ITGA2: variants seen among roughly 807,000 people sequenced by gnomAD.
ITGA2 encodes the protein integrin subunit alpha 2.
A neutral mutation model predicts 146.3 loss-of-function variants in ITGA2; 101 were observed. The observed-to-expected ratio is 0.69, with a 90% CI of 0.59 to 0.81. ITGA2 has a LOEUF of 0.81. Ranked by LOEUF, ITGA2 falls within the 40% of genes least tolerant of loss-of-function variation. The pLI, the probability that ITGA2 is intolerant of heterozygous loss-of-function variation, is 0.00. For synonymous variants in ITGA2, 477 were observed against 487.1 expected (o/e 0.98, Z 0.27); for missense variants, 1,281 against 1,402.7 (o/e 0.91, Z 1.39).
chr5:53,032,239 G>T (rs1349133120), intron 2 of ITGA2, among the ~76,000 whole-genome samples: 1 of 152,074 alleles, frequency 6.6e-6, no homozygotes, highest in East Asian at 1.9e-4. Context: ...CTTTAATAAA[G>T]CTCTACATGT....
At chr5:53,039,186 A>G (rs1313522848) in intron 2 of ITGA2, among the ~76,000 whole-genome samples, 1 of 152,238 alleles carries the variant, frequency 6.6e-6, no homozygotes, top group Non-Finnish European at 1.5e-5. Context: ...TGTAAAATTT[A>G]CTATAATTAA....
intron 13 of ITGA2, among the ~76,000 whole-genome samples, chr5:53,063,320 A>G (rs1265352107): frequency 6.6e-6 from 1 of 151,926 alleles, no homozygotes; most frequent in Non-Finnish European, 1.5e-5. Flanking sequence ...ATCAGTTGAC[A>G]GTGAAAAACA....
Position 53,078,814 on chromosome 5 carries a change from T to C in ITGA2, c.2868T>C (p.Asn956=), listed in dbSNP as rs762311774. 1 of 1,611,950 alleles carries C rather than the reference T, an allele frequency of 6.2e-7. No homozygotes were observed. Among genetic ancestry groups the C allele is most frequent in the Non-Finnish European group, 8.5e-7 (1 of 1,178,528 alleles). The part of the protein sequence containing the change: ...INFYEISSDG[N]VPSIVHSFED... ...TTTATGAAATCTCTTCGGATGGGAA[T>C]GTTCCTTCAATCGTGCACAGTTTTG... Residue 956 remains asparagine (N), a synonymous_variant, in exon 24 of 30, where the codon AAT becomes AAC. Coordinates refer to ENST00000296585, the MANE Select transcript of ITGA2 (RefSeq NM_002203.4).
chr5:53,066,564 G>A (rs1253888769), intron 15 of ITGA2, among the ~76,000 whole-genome samples: 1 of 151,794 alleles, frequency 6.6e-6, no homozygotes, highest in Non-Finnish European at 1.5e-5. Context: ...ATTCAATCAA[G>A]AATCTCCATT....
chr5:53,062,941 A>T lies in ITGA2; in HGVS notation c.1602+12A>T, dbSNP rs773350605. The T allele has an allele frequency of 1.1e-5, 17 of 1,600,390 alleles. No homozygotes were observed. The highest frequency in any genetic ancestry group is 4.5e-5 in the South Asian group (4 of 89,816). On this transcript the variant is annotated intron_variant, in intron 13 of 29. Coordinates refer to ENST00000296585, the MANE Select transcript of ITGA2 (RefSeq NM_002203.4). The stretch of plus-strand genomic sequence containing the variant: ...TTACTATCAAAGAGGTAAAAAAAAA[A>T]AAATAAACTAATAGTTTAATTTGCT...
chr5:52,991,510 T>C (rs573177959), intron 1 of ITGA2, among the ~76,000 whole-genome samples: 1 of 152,276 alleles, frequency 6.6e-6, no homozygotes, highest in South Asian at 2.1e-4. Context: ...GCTATGTATG[T>C]GACAGAGCTT....
intron 20 of ITGA2, among the ~76,000 whole-genome samples, chr5:53,073,615 T>C (rs949415361): frequency 6.6e-6 from 1 of 151,924 alleles, no homozygotes; most frequent in Non-Finnish European, 1.5e-5. Context: ...TTTGCAACTA[T>C]GGTTGTTGCT....
At chr5:53,080,671 A>T in intron 25 of ITGA2, 50 bp downstream of exon 25, 1 of 1,290,850 alleles carries the variant, frequency 7.7e-7, no homozygotes, top group South Asian at 1.2e-5. Flanking sequence ...GATGTAAATA[A>T]CCCATGAGAT....
intron 6 of ITGA2, among the ~76,000 whole-genome samples, chr5:53,050,627 T>G (rs1304027112): frequency 2.0e-5 from 3 of 152,182 alleles, no homozygotes; most frequent in Non-Finnish European, 4.4e-5. Flanking sequence ...CAGAGATCCC[T>G]CACTGCCACT....
chr5:53,003,298 C>T (rs750739872), intron 1 of ITGA2, among the ~76,000 whole-genome samples: 9 of 152,162 alleles, frequency 5.9e-5, no homozygotes, highest in Non-Finnish European at 1.3e-4. Flanking sequence ...TGCCAGAGCA[C>T]TTGACTGTGA....
intron 23 of ITGA2, 95 bp downstream of exon 23, chr5:53,075,399 T>C: frequency 1.1e-6 from 1 of 904,162 alleles, no homozygotes; most frequent in East Asian, 2.5e-5. Flanking sequence ...GTATGCTCAT[T>C]CTTAACTGAA....
In ITGA2 at chr5:53,075,140, A is replaced by G; in HGVS notation, c.2741+3A>G. 6.2e-7 allele frequency: 1 copy of G among 1,610,116 alleles called. No homozygotes were observed. Among genetic ancestry groups the G allele is most frequent in the Non-Finnish European group, 8.5e-7 (1 of 1,176,882 alleles). On this transcript the variant is annotated splice_donor_region_variant and intron_variant, in intron 22 of 29. Transcript: ENST00000296585. ...TCTCTCAGTTTCCAAGCCTTAAGGT[A>G]AAACATAATGAAGTCATGAATGGAA...
At chr5:53,060,499 A>T (rs984641071) in intron 11 of ITGA2, among the ~76,000 whole-genome samples, 32 of 151,936 alleles carry the variant, frequency 2.1e-4, no homozygotes, top group Non-Finnish European at 4.3e-4. Context: ...CTAACGTTCA[A>T]CAACCTAGTA....
intron 29 of ITGA2, 146 bp from the exon 30 acceptor site, chr5:53,090,373 A>T: frequency 1.4e-6 from 1 of 731,346 alleles, no homozygotes; most frequent in Non-Finnish European, 2.5e-6. Flanking sequence ...CAGGTGGTAG[A>T]TATCAGGTCA....
intron 10 of ITGA2, among the ~76,000 whole-genome samples, chr5:53,059,148 G>A (rs1024991519): frequency 6.6e-6 from 1 of 151,842 alleles, no homozygotes; most frequent in African/African-American, 2.4e-5. Context: ...AATCTGCCTC[G>A]TTTGATGATT....
chr5:53,037,783 C>G (rs1743559942), intron 2 of ITGA2, among the ~76,000 whole-genome samples: 1 of 152,170 alleles, frequency 6.6e-6, no homozygotes, highest in Admixed American at 6.5e-5. Context: ...AGAAATGAGT[C>G]ATATATGATG....
intron 27 of ITGA2, among the ~76,000 whole-genome samples, chr5:53,085,551 C>T (rs1288150137): frequency 6.6e-6 from 1 of 152,160 alleles, no homozygotes; most frequent in Admixed American, 6.5e-5. Flanking sequence ...ATTATCAATA[C>T]TCTTAATGTT....
At chr5:53,087,108 G>A in intron 28 of ITGA2, 67 bp downstream of exon 28, 1 of 1,075,886 alleles carries the variant, frequency 9.3e-7, no homozygotes, top group Non-Finnish European at 1.4e-6. Flanking sequence ...CTAAAAGCCT[G>A]GGATAGTCAC....
At chr5:53,080,471 C>T (rs1207000009) in intron 24 of ITGA2, 40 bp from the exon 25 acceptor site, 2 of 1,470,230 alleles carry the variant, frequency 1.4e-6, no homozygotes, top group South Asian at 1.1e-5. Context: ...GCATCATGTA[C>T]ATCCTGTTGC....
Sources: gnomAD v4.1 joint callset for allele counts (sites outside exome capture counted in the v4.1 genomes callset) on GRCh38, gnomAD v4.1.1 for gene constraint, MANE v1.5 for transcripts, NCBI Gene and HGNC (gene_info 2026-07-23, HGNC 2026-07-21) for gene names.